LAMA2: variants seen among roughly 807,000 people sequenced by gnomAD.
LAMA2 encodes laminin subunit alpha 2.
LAMA2 carries 269 observed loss-of-function variants against 364.8 expected under a neutral mutation model. That is an observed-to-expected ratio of 0.74 (90% confidence interval 0.67 to 0.82). The LOEUF (loss-of-function observed/expected upper bound fraction) is 0.82. LAMA2 is among the 40% of genes least tolerant of loss of function. The pLI is 0.00. For synonymous variants in LAMA2, 1,379 were observed against 1,370.6 expected (o/e 1.01, Z -0.14); for missense variants, 3,807 against 3,873.2 (o/e 0.98, Z 0.45).
At chr6:129,027,394 T>C (rs1785900260) in intron 1 of LAMA2, among the ~76,000 whole-genome samples, 1 of 152,036 alleles carries the variant, frequency 6.6e-6, no homozygotes, top group South Asian at 2.1e-4. Flanking sequence ...CTCTGTGTTT[T>C]TTGTGGGTGA....
intron 19 of LAMA2, among the ~76,000 whole-genome samples, chr6:129,290,540 G>T (rs1465565158): frequency 6.6e-6 from 1 of 152,058 alleles, no homozygotes; most frequent in East Asian, 1.9e-4. Context: ...TATTAGCATA[G>T]GCTGATAGAG....
At chr6:128,923,961 T>G in intron 1 of LAMA2, among the ~76,000 whole-genome samples, 1 of 152,128 alleles carries the variant, frequency 6.6e-6, no homozygotes, top group East Asian at 1.9e-4. Flanking sequence ...GAAGTCATAG[T>G]CATGACTCTG....
intron 49 of LAMA2, among the ~76,000 whole-genome samples, chr6:129,461,037 A>G (rs1226202841): frequency 6.6e-6 from 1 of 152,062 alleles, no homozygotes; most frequent in Non-Finnish European, 1.5e-5. Context: ...AAATGAATAC[A>G]GGATATAAAA....
At chr6:129,277,041 T>C (rs574045121) in intron 17 of LAMA2, among the ~76,000 whole-genome samples, 68 of 152,300 alleles carry the variant, frequency 4.5e-4, no homozygotes, top group African/African-American at 1.6e-3. Context: ...TATTTTCATG[T>C]CCAGCTTTTT....
intron 4 of LAMA2, among the ~76,000 whole-genome samples, chr6:129,108,074 T>C (rs1421336744): frequency 7.2e-6 from 1 of 138,808 alleles, no homozygotes; most frequent in African/African-American, 3.0e-5. Flanking sequence ...TTTTTATATC[T>C]AATAGGTTTT....
At chr6:129,022,736 A>G (rs1416743350) in intron 1 of LAMA2, among the ~76,000 whole-genome samples, 1 of 152,206 alleles carries the variant, frequency 6.6e-6, no homozygotes, top group Admixed American at 6.5e-5. Flanking sequence ...TTTCATAGCT[A>G]CAAACCGCCG....
At chr6:128,919,301 T>G (rs1778546152) in intron 1 of LAMA2, among the ~76,000 whole-genome samples, 1 of 152,246 alleles carries the variant, frequency 6.6e-6, no homozygotes, top group Non-Finnish European at 1.5e-5. Flanking sequence ...CAATTTTAAA[T>G]GTTCTGTGTT....
At chr6:129,348,444 G>C (rs1403854778) in intron 30 of LAMA2, among the ~76,000 whole-genome samples, 3 of 152,050 alleles carry the variant, frequency 2.0e-5, no homozygotes, top group Non-Finnish European at 4.4e-5. Context: ...TAATTTCCAA[G>C]TTTCCAATGC....
At chr6:128,976,879 T>C (rs1438103748) in intron 1 of LAMA2, among the ~76,000 whole-genome samples, 2 of 152,212 alleles carry the variant, frequency 1.3e-5, no homozygotes, top group African/African-American at 4.8e-5. Context: ...TATGATCCAA[T>C]GCCCATGTAT....
chr6:129,412,791 A>G (rs766976533), intron 40 of LAMA2, among the ~76,000 whole-genome samples: 2 of 152,162 alleles, frequency 1.3e-5, no homozygotes, highest in Admixed American at 6.5e-5. Flanking sequence ...AAGAGAAAAA[A>G]TGAAGAGACA....
At chr6:129,270,529 C>A in intron 16 of LAMA2, 95 bp from the exon 17 acceptor site, 1 of 1,218,556 alleles carries the variant, frequency 8.2e-7, no homozygotes, top group Non-Finnish European at 1.2e-6. Flanking sequence ...TTCTTGCTGG[C>A]AGGGAGCAGA....
intron 1 of LAMA2, among the ~76,000 whole-genome samples, chr6:128,968,755 G>A (rs2114611945): frequency 6.6e-6 from 1 of 152,246 alleles, no homozygotes; most frequent in South Asian, 2.1e-4. Context: ...GCCAGGGTAA[G>A]GGCAGATGAC....
chr6:129,217,529 T>C (rs776958287), intron 12 of LAMA2, among the ~76,000 whole-genome samples: 1 of 152,182 alleles, frequency 6.6e-6, no homozygotes, highest in East Asian at 1.9e-4. Context: ...ACAAAGGATA[T>C]TTCTCCTATA....
chr6:129,338,606 C>G (rs1055695421), intron 29 of LAMA2, among the ~76,000 whole-genome samples: 1 of 152,136 alleles, frequency 6.6e-6, no homozygotes, highest in East Asian at 1.9e-4. Flanking sequence ...GCTTTTTCAT[C>G]TGAAAAAGCC....
chr6:129,264,615 G>A (rs1787371706), intron 15 of LAMA2, among the ~76,000 whole-genome samples: 1 of 152,122 alleles, frequency 6.6e-6, no homozygotes, highest in South Asian at 2.1e-4. Context: ...CCCAGCCCAA[G>A]CCCTGAGGAG....
chr6:129,194,263 A>C (rs917535066), intron 12 of LAMA2, among the ~76,000 whole-genome samples: 3 of 152,086 alleles, frequency 2.0e-5, no homozygotes, highest in African/African-American at 7.2e-5. Context: ...AAATTGGATG[A>C]ATTTCAGAGG....
chr6:129,322,327 T>TACAC (rs1193153040), intron 28 of LAMA2, among the ~76,000 whole-genome samples: 1 of 152,184 alleles, frequency 6.6e-6, no homozygotes, highest in African/African-American at 2.4e-5. Flanking sequence ...CCAATATACA[T>TACAC]ATGTACACAT....
intron 12 of LAMA2, among the ~76,000 whole-genome samples, chr6:129,211,391 T>A (rs1265465954): frequency 1.3e-5 from 2 of 152,164 alleles, no homozygotes; most frequent in African/African-American, 2.4e-5. Context: ...TTTTTCTACC[T>A]CCAACCTCCC....
Position 129,304,207 on chromosome 6 carries a change from C to A in LAMA2, c.3174+3335C>A, listed in dbSNP as rs536661105. On this transcript the variant is annotated intron_variant, in intron 22 of 64. Transcript: ENST00000421865. ...AATGTGATAACTTGCATGAAAAGAA[C>A]ATTCCTTCTTTTGCTTACTTTGAGT... 6.6e-5 allele frequency among the ~76,000 whole-genome samples: 10 copies of A among 152,046 alleles called. No individual in the cohort carries two copies. In the South Asian group the frequency reaches 2.1e-3, roughly 32 times the overall value.
Sources: allele counts gnomAD v4.1 joint callset (sites outside exome capture counted in the v4.1 genomes callset), GRCh38; gene constraint gnomAD v4.1.1; transcripts MANE v1.5; gene names NCBI Gene and HGNC (gene_info 2026-07-23, HGNC 2026-07-21).